The following MPDZ variants were observed in gnomAD, a reference collection of about 807,000 sequenced individuals.
MPDZ encodes the protein multiple PDZ domain protein.
In MPDZ, 234 loss-of-function variants were observed where a neutral mutation model predicts 239.1. The observed-to-expected ratio is 0.98, with a 90% CI of 0.88 to 1.09. The LOEUF is 1.09. Among genes scored for constraint, MPDZ ranks in the 50% least tolerant of loss-of-function variants. The pLI is 0.00. For missense variants in MPDZ, 3,175 were observed against 2,510.0 expected (o/e 1.26, Z -5.66); for synonymous variants, 1,048 against 881.3 (o/e 1.19, Z -3.35).
rs543610497 is a variant in MPDZ at position 13,274,226 on chromosome 9, ACATAAG to A, written c.-58+5168_-58+5173del. On this transcript the variant is annotated intron_variant, in intron 1 of 46. Coordinates refer to ENST00000319217, the MANE Select transcript of MPDZ (RefSeq NM_001378778.1). ...ATTTTATTATCAAAATAATTTTAAA[ACATAAG>A]CAACAACATTAAGTTTTTTCTTAAT... 3.8e-3 allele frequency among the ~76,000 whole-genome samples: 576 copies of A among 152,042 alleles called. 2 individuals carry two copies. Among genetic ancestry groups the A allele is most frequent in the Non-Finnish European group, 6.7e-3 (454 of 67,980 alleles).
chr9:13,139,902 T>TA (rs1563885840), intron 28 of MPDZ, 85 bp downstream of exon 28: 1 of 1,505,132 alleles, frequency 6.6e-7, no homozygotes, highest in East Asian at 2.3e-5. Flanking sequence ...GCAACATACT[T>TA]ACTTATCCAG....
chr9:13,228,626 T>C (rs1477083417), intron 3 of MPDZ, among the ~76,000 whole-genome samples: 1 of 152,158 alleles, frequency 6.6e-6, no homozygotes, highest in Non-Finnish European at 1.5e-5. Flanking sequence ...CTTTTTACTA[T>C]GCCAACATAC....
chr9:13,140,393 C>CATATATAT (rs535672637), intron 27 of MPDZ, among the ~76,000 whole-genome samples: 44 of 136,542 alleles, frequency 3.2e-4, no homozygotes, highest in African/African-American at 1.2e-3. Flanking sequence ...TATATATATA[C>CATATATAT]ATATATATAT....
Position 13,110,050 on chromosome 9 carries a change from T to C in MPDZ, c.5844A>G (p.Gly1948=), listed in dbSNP as rs1942175982. 1 of 1,612,756 alleles carries C rather than the reference T, an allele frequency of 6.2e-7. No individual in the cohort carries two copies. The highest frequency in any genetic ancestry group is 1.3e-5 in the African/African-American group (1 of 74,892). Residue 1948 remains glycine (G), a synonymous_variant, in exon 45 of 47, where the codon GGA becomes GGG. Transcript: ENST00000319217. ...GATGACCTGTGACCACACTCACGTC[T>C]CCTCCAGCAACCACCTGCGCACAGG... ...GSIEMQVVAG[G]DVSVVTGHQQ... is the part of the protein sequence containing the mutation.
At position 13,106,653 on chromosome 9, in the gene MPDZ, C is replaced by A. The variant is rs888998382; in HGVS notation, c.*312G>T. 2 of 219,896 alleles carry A rather than the reference C, an allele frequency of 9.1e-6. No homozygotes were observed. Among genetic ancestry groups the A allele is most frequent in the Non-Finnish European group, 1.8e-5 (2 of 112,192 alleles). The allele number at this position is 219,896 out of a possible 1,614,324, so 13.6% of individuals were successfully genotyped here. A position where few individuals can be genotyped will look rare whatever the true frequency, so the allele number is the denominator to read the frequency against. ...TTAGAATTATCTTTCTTTATACTAACCAGCTTAGCATGTAATAATTCTTGC... is the reference window on the plus strand; with the variant it reads ...TTAGAATTATCTTTCTTTATACTAAACAGCTTAGCATGTAATAATTCTTGC... On this transcript the variant is annotated 3_prime_UTR_variant, in exon 47 of 47. Coordinates refer to ENST00000319217, the MANE Select transcript of MPDZ (RefSeq NM_001378778.1).
intron 26 of MPDZ, among the ~76,000 whole-genome samples, chr9:13,145,002 T>C (rs572838389): frequency 6.6e-6 from 1 of 152,186 alleles, no homozygotes; most frequent in South Asian, 2.1e-4. Flanking sequence ...CTGTAGAACA[T>C]CAGAAAACAA....
chr9:13,143,467 T>C lies in MPDZ; in HGVS notation c.3839A>G (p.Lys1280Arg), dbSNP rs1377847322. Residue 1280 changes from lysine (K) to arginine (R), a missense_variant and splice_region_variant, in exon 27 of 47, where the codon AAG (lysine) becomes AGG (arginine). Transcript: ENST00000319217. ...FADSLQINAD[K>R]APSQSESEPE... ...GCAAGACAATGGGCATTATCCAACC[T>C]TGTCGGCGTTGATTTGTAGAGAGTC... The C allele has an allele frequency of 6.2e-7, 1 of 1,610,556 alleles. No individual in the cohort carries two copies. Among genetic ancestry groups the C allele is most frequent in the Non-Finnish European group, 8.5e-7 (1 of 1,177,098 alleles).
At position 13,126,584 on chromosome 9, in the gene MPDZ, G is replaced by T. The variant is rs372104310; in HGVS notation, c.4564C>A (p.Arg1522=). The change falls in exon 34 of 47, where the codon CGA becomes AGA. Residue 1522 remains arginine (R), a synonymous_variant. Transcript: ENST00000319217. The part of the protein sequence containing the change: ...TEHGVAATDG[R]LKVGDQILAV... ...AGTATCTGATCTCCGACTTTGAGTC[G>T]TCCATCCTAAATGGAAACGTAGAAG... 1 of 1,601,624 alleles carries T rather than the reference G, an allele frequency of 6.2e-7. No individual in the cohort carries two copies. The highest frequency in any genetic ancestry group is 8.5e-7 in the Non-Finnish European group (1 of 1,173,300).
At position 13,166,009 on chromosome 9, in the gene MPDZ, G is replaced by T. The variant is rs183002100; in HGVS notation, c.3254+2357C>A. Among the ~76,000 whole-genome samples the T allele has an allele frequency of 6.6e-5, 10 of 152,210 alleles. No individual in the cohort carries two copies. In the East Asian group the frequency reaches 1.7e-3, roughly 26 times the overall value. ...GAAATCCAGTGCATTCTCTCAATAA[G>T]CAATGCTTTCCCTAAAACCAATCAG... On this transcript the variant is annotated intron_variant, in intron 22 of 46. Coordinates refer to ENST00000319217, the MANE Select transcript of MPDZ (RefSeq NM_001378778.1).
At chr9:13,148,703 A>G (rs1948754138) in intron 25 of MPDZ, among the ~76,000 whole-genome samples, 1 of 105,832 alleles carries the variant, frequency 9.4e-6, no homozygotes, top group Non-Finnish European at 1.8e-5. Flanking sequence ...TTTGCTCAAG[A>G]CCAAAGTATT....
intron 1 of MPDZ, among the ~76,000 whole-genome samples, chr9:13,272,541 C>T (rs1363043865): frequency 1.3e-5 from 2 of 151,756 alleles, no homozygotes; most frequent in African/African-American, 4.8e-5. Context: ...TGAATCATAT[C>T]GATGAGGCCC....
chr9:13,177,027 T>G (rs113345246), intron 19 of MPDZ, among the ~76,000 whole-genome samples: 3,177 of 152,300 alleles, frequency 0.021, 116 homozygotes, highest in African/African-American at 0.073. Context: ...ATAAAATGTA[T>G]GCTCTAAATC....
chr9:13,202,585 C>T (rs1339868303), intron 12 of MPDZ, among the ~76,000 whole-genome samples: 4 of 152,274 alleles, frequency 2.6e-5, no homozygotes, highest in East Asian at 3.9e-4. Flanking sequence ...CAATTCACCC[C>T]AAGTGCTTTA....
intron 29 of MPDZ, among the ~76,000 whole-genome samples, chr9:13,137,364 C>G (rs1946979039): frequency 1.3e-5 from 2 of 152,056 alleles, no homozygotes; most frequent in South Asian, 4.1e-4. Flanking sequence ...CCTCCTGTGT[C>G]TATAGGGAAA....
intron 3 of MPDZ, among the ~76,000 whole-genome samples, chr9:13,245,678 A>G (rs1233470013): frequency 6.6e-6 from 1 of 152,214 alleles, no homozygotes; most frequent in Non-Finnish European, 1.5e-5. Context: ...CTTAAAATAT[A>G]TCAGTTGTCT....
intron 1 of MPDZ, among the ~76,000 whole-genome samples, chr9:13,265,210 G>C (rs965148287): frequency 2.6e-5 from 4 of 152,168 alleles, no homozygotes; most frequent in Non-Finnish European, 4.4e-5. Context: ...ATTACTTCAG[G>C]CTCTTACCTC....
chr9:13,188,572 G>T (rs961071546), intron 17 of MPDZ, among the ~76,000 whole-genome samples: 8 of 151,856 alleles, frequency 5.3e-5, no homozygotes, highest in Non-Finnish European at 8.8e-5. Context: ...TAAGTTAGAA[G>T]TTTATTTATA....
intron 38 of MPDZ, 41 bp downstream of exon 38, chr9:13,121,698 C>G (rs774118868): frequency 6.2e-7 from 1 of 1,601,282 alleles, no homozygotes; most frequent in Non-Finnish European, 8.6e-7. Flanking sequence ...TAAGTCCCAT[C>G]ATTTCCAAGG....
chr9:13,115,119 T>C (rs1943181383), intron 40 of MPDZ, 129 bp downstream of exon 40: 1 of 691,896 alleles, frequency 1.4e-6, no homozygotes, highest in African/African-American at 1.8e-5. Context: ...TGTCTCAAAC[T>C]CTGCACCTCA....
Sources: gnomAD v4.1 joint callset for allele counts (sites outside exome capture counted in the v4.1 genomes callset) on GRCh38, gnomAD v4.1.1 for gene constraint, MANE v1.5 for transcripts, NCBI Gene and HGNC (gene_info 2026-07-23, HGNC 2026-07-21) for gene names.